Variants in FSHR observed in about 807,000 individuals in gnomAD.
FSHR encodes the protein follicle stimulating hormone receptor.
A neutral mutation model predicts 52.1 loss-of-function variants in FSHR; 46 were observed. That is an observed-to-expected ratio of 0.88 (90% CI 0.70 to 1.13). The LOEUF is 1.13. Among genes scored for constraint, FSHR ranks in the 50% most tolerant of loss-of-function variants. The pLI, the probability that FSHR is intolerant of heterozygous loss-of-function variation, is 0.00. For missense variants in FSHR, 964 were observed against 834.6 expected (o/e 1.16, Z -1.91); for synonymous variants, 399 against 309.6 (o/e 1.29, Z -3.03).
At chr2:49,018,869 G>A (rs1338958370) in intron 3 of FSHR, among the ~76,000 whole-genome samples, 1 of 152,174 alleles carries the variant, frequency 6.6e-6, no homozygotes, top group Non-Finnish European at 1.5e-5. Context: ...ATTTGTGTGT[G>A]TGTGTATCTG....
chr2:49,093,775 T>G (rs1027053754), intron 1 of FSHR, among the ~76,000 whole-genome samples: 1 of 151,990 alleles, frequency 6.6e-6, no homozygotes, highest in African/African-American at 2.4e-5. Context: ...TTAAATATTT[T>G]TAGTAGAGAC....
intron 2 of FSHR, among the ~76,000 whole-genome samples, chr2:49,060,666 A>C (rs1669253152): frequency 6.6e-6 from 1 of 152,178 alleles, no homozygotes; most frequent in Non-Finnish European, 1.5e-5. Flanking sequence ...CCTGCCGCCC[A>C]GGCAAGAGAG....
At chr2:49,040,513 A>G (rs2104280555) in intron 2 of FSHR, among the ~76,000 whole-genome samples, 1 of 152,300 alleles carries the variant, frequency 6.6e-6, no homozygotes, top group East Asian at 1.9e-4. Flanking sequence ...CTGTTTTGTC[A>G]AGGTTGTCTG....
chr2:48,970,798 C>G lies in FSHR; in HGVS notation c.669-1915G>C, dbSNP rs114859236. ...ATGTTCCTCCTTGTTTTTTCCATCTCAGCAAATGACTCTTCCAGTTTCCCC... is the reference window on the plus strand; with the variant it reads ...ATGTTCCTCCTTGTTTTTTCCATCTGAGCAAATGACTCTTCCAGTTTCCCC... On this transcript the variant is annotated intron_variant, in intron 8 of 9. Transcript: ENST00000406846. 2.6e-3 allele frequency among the ~76,000 whole-genome samples: 392 copies of G among 152,246 alleles called. 3 individuals are homozygous for G. Among genetic ancestry groups the G allele is most frequent in the Middle Eastern group, 3.4e-3 (1 of 294 alleles).
At chr2:49,001,982 G>T (rs1221348406) in intron 4 of FSHR, among the ~76,000 whole-genome samples, 1 of 152,100 alleles carries the variant, frequency 6.6e-6, no homozygotes, top group Non-Finnish European at 1.5e-5. Context: ...TTCAGAATCT[G>T]CCATCTAGTA....
chr2:48,967,322 C>T (rs944161584), intron 9 of FSHR, among the ~76,000 whole-genome samples: 2 of 152,126 alleles, frequency 1.3e-5, no homozygotes, highest in African/African-American at 4.8e-5. Flanking sequence ...TGGTCTCAAA[C>T]TCCTGGGCTC....
intron 1 of FSHR, among the ~76,000 whole-genome samples, chr2:49,137,847 T>G (rs145727873): frequency 6.6e-6 from 1 of 152,048 alleles, no homozygotes; most frequent in Admixed American, 6.6e-5. Flanking sequence ...TATAAAACTC[T>G]CAGAAGAATG....
At chr2:49,019,117 C>T (rs1452978706) in intron 3 of FSHR, among the ~76,000 whole-genome samples, 1 of 152,242 alleles carries the variant, frequency 6.6e-6, no homozygotes, top group Middle Eastern at 3.4e-3. Context: ...TCACCAATCT[C>T]TAAAGAAAAC....
chr2:48,988,309 TC>T (rs1675610458), intron 6 of FSHR, among the ~76,000 whole-genome samples: 1 of 152,148 alleles, frequency 6.6e-6, no homozygotes, highest in African/African-American at 2.4e-5. Flanking sequence ...AATTGCTGGG[TC>T]CCCAAATGTC....
chr2:49,082,238 T>G (rs1033809235), intron 1 of FSHR, among the ~76,000 whole-genome samples: 1 of 152,196 alleles, frequency 6.6e-6, no homozygotes, highest in Non-Finnish European at 1.5e-5. Context: ...AGGGGCAGAC[T>G]GACACCTCAC....
chr2:49,110,432 G>A (rs1671383151), intron 1 of FSHR, among the ~76,000 whole-genome samples: 1 of 152,112 alleles, frequency 6.6e-6, no homozygotes. Flanking sequence ...CACTTGAATT[G>A]TAAATCATTT....
At chr2:49,111,603 G>T (rs1671424065) in intron 1 of FSHR, among the ~76,000 whole-genome samples, 1 of 152,130 alleles carries the variant, frequency 6.6e-6, no homozygotes, top group Non-Finnish European at 1.5e-5. Context: ...TCTGCACAGT[G>T]CTGGAAGGAG....
chr2:48,986,367 A>T (rs952076571), intron 6 of FSHR, among the ~76,000 whole-genome samples: 2 of 149,146 alleles, frequency 1.3e-5, no homozygotes, highest in African/African-American at 4.9e-5. Flanking sequence ...AGAATACTTC[A>T]ACAGTCATCA....
chr2:49,135,649 A>G (rs1672463395), intron 1 of FSHR, among the ~76,000 whole-genome samples: 1 of 151,950 alleles, frequency 6.6e-6, no homozygotes, highest in East Asian at 1.9e-4. Flanking sequence ...AGGTTTACCA[A>G]CCCCCATGCA....
At chr2:48,992,233 G>A (rs916515667) in intron 4 of FSHR, among the ~76,000 whole-genome samples, 1 of 152,100 alleles carries the variant, frequency 6.6e-6, no homozygotes, top group Non-Finnish European at 1.5e-5. Flanking sequence ...AGGTCTATGG[G>A]CTAAGACAAA....
chr2:49,080,754 G>A (rs1320179980), intron 1 of FSHR, among the ~76,000 whole-genome samples: 1 of 152,132 alleles, frequency 6.6e-6, no homozygotes, highest in Admixed American at 6.5e-5. Flanking sequence ...CCTCCCAGTG[G>A]TGGTGGCTAA....
chr2:49,101,280 G>A (rs1490671032), intron 1 of FSHR, among the ~76,000 whole-genome samples: 1 of 152,106 alleles, frequency 6.6e-6, no homozygotes, highest in African/African-American at 2.4e-5. Flanking sequence ...AGTTGTGAGA[G>A]ACTCAAACAT....
chr2:49,020,144 C>A lies in FSHR; in HGVS notation c.241G>T (p.Asp81Tyr). The change falls in exon 3 of 10, where the codon GAT (aspartate) becomes TAT (tyrosine). Residue 81 changes from aspartate (D) to tyrosine (Y), a missense_variant. By Grantham distance (160) the Asp-to-Tyr change is radical. Transcript: ENST00000406846. ...DLEKIEISQN[D>Y]VLEVIEADVF... ...TCTGCCTCTATCACCTCCAAGACATCATTCTGAGAGATCTCTCTGTGGAGA... is the reference window on the plus strand; with the variant it reads ...TCTGCCTCTATCACCTCCAAGACATAATTCTGAGAGATCTCTCTGTGGAGA... 1.2e-6 allele frequency: 2 copies of A among 1,613,462 alleles called. No individual in the cohort carries two copies. The highest frequency in any genetic ancestry group is 1.7e-6 in the Non-Finnish European group (2 of 1,179,458).
intron 4 of FSHR, among the ~76,000 whole-genome samples, chr2:48,993,772 C>G (rs1675891838): frequency 1.3e-5 from 2 of 152,160 alleles, no homozygotes; most frequent in Non-Finnish European, 1.5e-5. Flanking sequence ...GTATTAAGTT[C>G]TTTCCTTTCT....
Sources: allele counts gnomAD v4.1 joint callset (sites outside exome capture counted in the v4.1 genomes callset), GRCh38; gene constraint gnomAD v4.1.1; transcripts MANE v1.5; gene names NCBI Gene and HGNC (gene_info 2026-07-23, HGNC 2026-07-21).